Variants in PDE10A observed in about 807,000 individuals in gnomAD.
The protein encoded by PDE10A is cAMP and cAMP-inhibited cGMP 3',5'-cyclic phosphodiesterase 10A.
In PDE10A, 39 loss-of-function variants were observed where a neutral mutation model predicts 97.7. The observed-to-expected ratio is 0.40, with a 90% CI of 0.31 to 0.52. The LOEUF (loss-of-function observed/expected upper bound fraction) is 0.52, where lower values mean the gene tolerates loss of function less well. PDE10A is among the 20% of genes least tolerant of loss of function. The pLI, the probability that PDE10A is intolerant of heterozygous loss-of-function variation, is 0.56. For synonymous variants in PDE10A, 371 were observed against 376.8 expected, an observed-to-expected ratio of 0.98 and a Z score of 0.18; for missense variants, 731 against 1,047.8, an observed-to-expected ratio of 0.70 and a Z score of 4.17.
intron 2 of PDE10A, among the ~76,000 whole-genome samples, chr6:165,542,967 GTC>G (rs1783541557): frequency 6.6e-6 from 1 of 152,096 alleles, no homozygotes; most frequent in Non-Finnish European, 1.5e-5. Flanking sequence ...ATCTTCTAGA[GTC>G]TGAGTGTGAA....
intron 1 of PDE10A, among the ~76,000 whole-genome samples, chr6:165,959,059 T>C (rs1054034751): frequency 2.0e-5 from 3 of 152,092 alleles, no homozygotes; most frequent in Non-Finnish European, 2.9e-5. Context: ...AGCAGCAAGA[T>C]TGGGTGGTAA....
At position 165,810,213 on chromosome 6, in the gene PDE10A, C is replaced by G. The variant is rs573658093; in HGVS notation, c.-615+177316G>C. ...CATTCTGGCCGGGGAGGAGAGAGCACCACCCTTGGTCTGCCCTTGCTGTCT... is the reference window on the plus strand; with the variant it reads ...CATTCTGGCCGGGGAGGAGAGAGCAGCACCCTTGGTCTGCCCTTGCTGTCT... On this transcript the variant is annotated intron_variant, in intron 1 of 19. Transcript: ENST00000366882. Among the ~76,000 whole-genome samples the G allele has an allele frequency of 2.3e-4, 35 of 152,272 alleles. No individual in the cohort carries two copies. In the East Asian group the frequency reaches 6.4e-3, roughly 28 times the overall value.
At chr6:165,866,202 G>A (rs1208137888) in intron 1 of PDE10A, among the ~76,000 whole-genome samples, 1 of 151,960 alleles carries the variant, frequency 6.6e-6, no homozygotes, top group Non-Finnish European at 1.5e-5. Flanking sequence ...TCACCAGTAA[G>A]AGTTTAAATA....
rs921445889 is a variant in PDE10A at position 165,328,571 on chromosome 6, G to C, written c.*4454C>G. 1 of 152,212 alleles carries C rather than the reference G, an allele frequency of 6.6e-6. No homozygotes were observed. The highest frequency in any genetic ancestry group is 1.5e-5 in the Non-Finnish European group (1 of 68,046). The allele number at this position is 152,212 out of a possible 1,614,324, so 9.4% of individuals were successfully genotyped here. On this transcript the variant is annotated 3_prime_UTR_variant, in exon 22 of 22. Transcript: ENST00000539869. ...ATTGATTAGTTTTCTCCCACTTGCAGGAAAGAGCACGTAGGCTCTGTACGG... is the reference window on the plus strand; with the variant it reads ...ATTGATTAGTTTTCTCCCACTTGCACGAAAGAGCACGTAGGCTCTGTACGG...
rs781169988 is a variant in PDE10A at position 165,431,478 on chromosome 6, A to G, written c.1492-6T>C. 11 of 1,567,690 alleles carry G rather than the reference A, an allele frequency of 7.0e-6. No homozygotes were observed. In the African/African-American group the frequency reaches 1.5e-4, roughly 21 times the overall value. ...GCAAGATTTGCTGTTGCAACCTAAA[A>G]AAAACAAGAAATACATACCTATAAG... is the stretch of plus-strand genomic sequence containing the variant. On this transcript the variant is annotated splice_polypyrimidine_tract_variant and splice_region_variant and intron_variant, in intron 7 of 21. Transcript: ENST00000539869.
intron 1 of PDE10A, among the ~76,000 whole-genome samples, chr6:165,804,252 C>G (rs1779056086): frequency 1.3e-5 from 2 of 152,144 alleles, no homozygotes; most frequent in African/African-American, 4.8e-5. Context: ...AAAATTTTAT[C>G]AAAACAATGA....
intron 2 of PDE10A, among the ~76,000 whole-genome samples, chr6:165,515,519 TG>T (rs369288426): frequency 0.025 from 3,618 of 145,608 alleles, 166 homozygotes; most frequent in African/African-American, 0.091. Flanking sequence ...TATATGCTTT[TG>T]TTCTTTTTTT....
intron 20 of PDE10A, among the ~76,000 whole-genome samples, chr6:165,338,433 GA>G (rs1453983307): frequency 2.0e-5 from 3 of 152,132 alleles, no homozygotes; most frequent in Non-Finnish European, 4.4e-5. Context: ...CATACTCTCA[GA>G]AATATATGAC....
At chr6:165,987,763 C>T (rs751795926) in exon 1 of PDE10A, 2 of 455,810 alleles carry the variant, frequency 4.4e-6, no homozygotes, top group Non-Finnish European at 4.4e-6. Context: ...ATTCCAAAGG[C>T]TTGGGGCACT....
rs1249113639 is a variant in PDE10A, at chr6:165,388,266, G to T, written c.2610+32C>A. On this transcript the variant is annotated intron_variant, in intron 17 of 21. Coordinates refer to ENST00000539869, the MANE Select transcript of PDE10A (RefSeq NM_001385079.1). This position sits in a 1 kb window ranked among gnomAD's most constrained non-coding sequence, Gnocchi z 4.0. The stretch of plus-strand genomic sequence containing the variant: ...TCCCTATCTCCCAGACAGCCCTTCA[G>T]ACTAAGCGAGAGACGGCGTGCAGTG... The T allele has an allele frequency of 3.1e-6, 5 of 1,609,124 alleles. No individual in the cohort carries two copies. The highest frequency in any genetic ancestry group is 2.7e-5 in the African/African-American group (2 of 74,784).
At chr6:165,358,140 T>C (rs1783150458) in intron 18 of PDE10A, among the ~76,000 whole-genome samples, 1 of 152,138 alleles carries the variant, frequency 6.6e-6, no homozygotes, top group Non-Finnish European at 1.5e-5. Context: ...CTTATCATTA[T>C]TTTTAATTTA....
chr6:165,701,776 C>CGT (rs968841719), intron 1 of PDE10A, among the ~76,000 whole-genome samples: 5 of 146,992 alleles, frequency 3.4e-5, no homozygotes, highest in South Asian at 2.2e-4. Flanking sequence ...TGTATGTTTG[C>CGT]GTGTGTGTGT....
chr6:165,619,298 T>C (rs1787919855), intron 1 of PDE10A, among the ~76,000 whole-genome samples: 13 of 150,458 alleles, frequency 8.6e-5, no homozygotes, highest in South Asian at 4.2e-4. Flanking sequence ...CATAGTCTAG[T>C]GTAGTGTAGT....
intron 1 of PDE10A, among the ~76,000 whole-genome samples, chr6:165,784,222 C>CAA (rs796915265): frequency 2.6e-5 from 3 of 116,658 alleles, no homozygotes; most frequent in African/African-American, 6.7e-5. Context: ...GACTCCATCT[C>CAA]AAAAAAAAAA....
At chr6:165,447,797 G>A (rs1328226996) in intron 5 of PDE10A, among the ~76,000 whole-genome samples, 1 of 152,156 alleles carries the variant, frequency 6.6e-6, no homozygotes, top group Non-Finnish European at 1.5e-5. Flanking sequence ...AAGGCACTAG[G>A]AGAGGGGCTT....
chr6:165,932,825 T>G (rs895365445), intron 1 of PDE10A, among the ~76,000 whole-genome samples: 3 of 152,216 alleles, frequency 2.0e-5, no homozygotes, highest in Admixed American at 2.0e-4. Context: ...GGGCTTAGCC[T>G]TTAAAGACTC....
At chr6:165,987,461 A>G (rs1785257728) in intron 1 of PDE10A, 1 of 344,812 alleles carries the variant, frequency 2.9e-6, no homozygotes, top group African/African-American at 2.1e-5. Flanking sequence ...ACACACACAC[A>G]AAGATTGGGA....
chr6:165,466,779 T>C (rs1275936802), intron 3 of PDE10A, among the ~76,000 whole-genome samples: 1 of 152,144 alleles, frequency 6.6e-6, no homozygotes, highest in Non-Finnish European at 1.5e-5. Context: ...TTAATAACTC[T>C]ACAATGATCT....
chr6:165,606,647 A>G (rs1787222675), intron 1 of PDE10A, among the ~76,000 whole-genome samples: 1 of 152,200 alleles, frequency 6.6e-6, no homozygotes, highest in African/African-American at 2.4e-5. Context: ...TATAGTGGGA[A>G]CAGGGAAACA....
Sources: gnomAD v4.1 joint callset for allele counts (sites outside exome capture counted in the v4.1 genomes callset) on GRCh38, gnomAD v4.1.1 for gene constraint, Gnocchi (gnomAD v3.1) non-coding constraint, MANE v1.5 for transcripts, NCBI Gene and HGNC (gene_info 2026-07-23, HGNC 2026-07-21) for gene names.